Variants in NCKAP5 observed in about 807,000 individuals in gnomAD.
The protein encoded by NCKAP5 is nck-associated protein 5.
Under a neutral mutation model 167.0 loss-of-function variants are expected in NCKAP5, and 92 were observed. The ratio of observed to expected loss-of-function variants is 0.55; its 90% CI spans 0.47 to 0.66. NCKAP5 has a LOEUF of 0.66. Ranked by LOEUF, NCKAP5 falls within the 30% of genes least tolerant of loss-of-function variation. The probability of loss-of-function intolerance (pLI) is 0.00; values close to 1 mark genes in which losing one functional copy is unlikely to be tolerated. For synonymous variants in NCKAP5, 891 were observed against 877.4 expected, an observed-to-expected ratio of 1.02 and a Z score of -0.27; for missense variants, 2,378 against 2,315.0, an observed-to-expected ratio of 1.03 and a Z score of -0.56.
chr2:133,320,589 G>A (rs1227385619), intron 3 of NCKAP5, among the ~76,000 whole-genome samples: 19 of 152,196 alleles, frequency 1.2e-4, no homozygotes, highest in African/African-American at 1.7e-4. Context: ...TTAGCCAGGC[G>A]TGGTGGTGGG....
At chr2:133,624,409 G>A in the NCKAP5 span, among the ~76,000 whole-genome samples, 1 of 152,034 alleles carries the variant, frequency 6.6e-6, no homozygotes, top group Non-Finnish European at 1.5e-5. Flanking sequence ...CTACCCATGA[G>A]TGTCTCAGTC....
intron 6 of NCKAP5, among the ~76,000 whole-genome samples, chr2:133,043,601 G>A (rs2079288558): frequency 6.6e-6 from 1 of 152,058 alleles, no homozygotes; most frequent in Non-Finnish European, 1.5e-5. Flanking sequence ...AACCATCCTG[G>A]GTCACATGCA....
intron 5 of NCKAP5, among the ~76,000 whole-genome samples, chr2:133,207,447 T>C (rs1234156629): frequency 6.6e-6 from 1 of 152,192 alleles, no homozygotes; most frequent in Admixed American, 6.5e-5. Context: ...CTGGAATAAA[T>C]ACCACTTTAA....
At chr2:133,153,896 C>A (rs79276858) in intron 5 of NCKAP5, among the ~76,000 whole-genome samples, 2 of 142,722 alleles carry the variant, frequency 1.4e-5, no homozygotes, top group Non-Finnish European at 3.0e-5. Context: ...AGCGTAACGG[C>A]GCAATCTCAG....
At chr2:133,235,643 C>A (rs141577177) in intron 4 of NCKAP5, among the ~76,000 whole-genome samples, 1 of 151,994 alleles carries the variant, frequency 6.6e-6, no homozygotes, top group Non-Finnish European at 1.5e-5. Flanking sequence ...GTGGCTCATG[C>A]CTGCAATCCC....
At chr2:133,564,241 C>G (rs894199209) in intron 1 of NCKAP5, among the ~76,000 whole-genome samples, 1 of 152,104 alleles carries the variant, frequency 6.6e-6, no homozygotes, top group African/African-American at 2.4e-5. Context: ...AGTATTTTTG[C>G]TTGGACAATG....
intron 3 of NCKAP5, among the ~76,000 whole-genome samples, chr2:133,420,726 T>C (rs993353908): frequency 2.0e-5 from 3 of 152,198 alleles, no homozygotes; most frequent in African/African-American, 7.2e-5. Context: ...TTATATATTT[T>C]ATTCAAGCCT....
intron 6 of NCKAP5, among the ~76,000 whole-genome samples, chr2:132,998,216 T>A (rs2077664891): frequency 6.6e-6 from 1 of 152,250 alleles, no homozygotes; most frequent in African/African-American, 2.4e-5. Context: ...CATATCTTGC[T>A]AAATTATCTC....
At chr2:133,519,898 T>A (rs1163773553) in intron 2 of NCKAP5, among the ~76,000 whole-genome samples, 1 of 151,854 alleles carries the variant, frequency 6.6e-6, no homozygotes, top group Non-Finnish European at 1.5e-5. Flanking sequence ...GGTGCCAAAG[T>A]GCCAAGCGGC....
In NCKAP5 at chr2:132,785,421, G is replaced by A. The variant is rs546647069; in HGVS notation, c.1390C>T (p.Pro464Ser). The A allele has an allele frequency of 7.6e-5, 123 of 1,613,880 alleles. 3 individuals carry two copies. The South Asian group carries it at 1.0e-3, about 14-fold the overall frequency. Residue 464 changes from proline to serine, a missense_variant, in exon 14 of 20, where the codon CCC (proline) becomes TCC (serine). Physicochemically the swap from Pro to Ser is moderately conservative, Grantham distance 74. Transcript: ENST00000409261. ...TADLGSPCKEPHKTFVYDLDS... is the reference protein window; with the variant it reads ...TADLGSPCKESHKTFVYDLDS... ...AGATCATAAACAAATGTCTTGTGGG[G>A]TTCCTTGCAGGGGCTCCCCAGGTCA...
intron 11 of NCKAP5, among the ~76,000 whole-genome samples, chr2:132,838,821 A>T (rs1326104824): frequency 6.6e-6 from 1 of 152,232 alleles, no homozygotes; most frequent in Non-Finnish European, 1.5e-5. Context: ...CATTTCAAAA[A>T]GTCTAACATT....
At chr2:132,688,029 AC>A (rs1375271775) in intron 19 of NCKAP5, among the ~76,000 whole-genome samples, 1 of 152,232 alleles carries the variant, frequency 6.6e-6, no homozygotes, top group Non-Finnish European at 1.5e-5. Context: ...CTGAACGACT[AC>A]AAAACACCCT....
At chr2:133,152,159 A>G (rs1278238452) in intron 5 of NCKAP5, among the ~76,000 whole-genome samples, 1 of 152,192 alleles carries the variant, frequency 6.6e-6, no homozygotes, top group Non-Finnish European at 1.5e-5. Flanking sequence ...AAAGAATTAC[A>G]AAGACTTTTA....
chr2:132,694,154 T>C (rs1412257922), intron 19 of NCKAP5, among the ~76,000 whole-genome samples: 1 of 150,570 alleles, frequency 6.6e-6, no homozygotes, highest in East Asian at 2.0e-4. Context: ...ATTTCTTTTC[T>C]TTATTTGACT....
intron 5 of NCKAP5, among the ~76,000 whole-genome samples, chr2:133,190,782 A>T (rs967728594): frequency 6.6e-6 from 1 of 152,216 alleles, no homozygotes; most frequent in Non-Finnish European, 1.5e-5. Flanking sequence ...AAGACGGACT[A>T]AAGACTGAAA....
intron 3 of NCKAP5, among the ~76,000 whole-genome samples, chr2:133,464,123 C>T (rs185570690): frequency 1.3e-5 from 2 of 152,198 alleles, no homozygotes; most frequent in African/African-American, 4.8e-5. Flanking sequence ...TGCTCACTAG[C>T]AATATATATG....
At chr2:133,140,619 A>G (rs1434774384) in intron 5 of NCKAP5, among the ~76,000 whole-genome samples, 3 of 152,064 alleles carry the variant, frequency 2.0e-5, no homozygotes, top group Admixed American at 6.6e-5. Flanking sequence ...CTGCCCGCCT[A>G]ATTTATGGTT....
At chr2:133,543,350 C>A (rs1266535720) in intron 2 of NCKAP5, among the ~76,000 whole-genome samples, 1 of 152,138 alleles carries the variant, frequency 6.6e-6, no homozygotes, top group African/African-American at 2.4e-5. Context: ...AACTGTGACC[C>A]AATTAAACTT....
Position 132,782,363 on chromosome 2 carries a change from T to G in NCKAP5, c.4448A>C (p.Asn1483Thr). ...EEKVMLCIQE[N>T]VEKGQVQTKP... Reference sequence around the variant, plus strand: ...TGTTTGCACTTGGCCCTTTTCCACATTTTCCTGAATGCACAACATGACCTT... The same window carrying G: ...TGTTTGCACTTGGCCCTTTTCCACAGTTTCCTGAATGCACAACATGACCTT... The change falls in exon 14 of 20, where the codon AAT becomes ACT. Residue 1483 changes from asparagine to threonine, a missense_variant. Transcript: ENST00000409261. 1.2e-6 allele frequency: 2 copies of G among 1,614,040 alleles called. No homozygotes were observed. Among genetic ancestry groups the G allele is most frequent in the Middle Eastern group, 1.6e-4 (1 of 6,062 alleles).
Sources: gnomAD v4.1 joint callset for allele counts (sites outside exome capture counted in the v4.1 genomes callset) on GRCh38, gnomAD v4.1.1 for gene constraint, MANE v1.5 for transcripts, NCBI Gene and HGNC (gene_info 2026-07-23, HGNC 2026-07-21) for gene names.